INSRR: variants seen among roughly 807,000 people sequenced by gnomAD.
The protein encoded by INSRR is insulin receptor-related protein.
INSRR carries 114 observed loss-of-function variants against 130.0 expected under a neutral mutation model. The observed-to-expected ratio is 0.88, with a 90% CI of 0.75 to 1.02. The LOEUF (loss-of-function observed/expected upper bound fraction) is 1.02. Ranked by LOEUF, INSRR falls within the 50% of genes least tolerant of loss-of-function variation. The pLI is 0.00. For missense variants in INSRR, 1,657 were observed against 1,735.2 expected, an observed-to-expected ratio of 0.95 and a Z score of 0.80; for synonymous variants, 674 against 705.2, an observed-to-expected ratio of 0.96 and a Z score of 0.70.
intron 1 of INSRR, among the ~76,000 whole-genome samples, chr1:156,855,232 C>T (rs1175151281): frequency 2.6e-5 from 2 of 77,262 alleles, no homozygotes; most frequent in African/African-American, 4.5e-5. Context: ...GATATGGAGT[C>T]TCACTCTGTC....
chr1:156,843,214 C>T lies in INSRR; in HGVS notation c.2916G>A (p.Trp972Ter). 6.2e-7 allele frequency: 1 copy of T among 1,614,142 alleles called. No homozygotes were observed. The highest frequency in any genetic ancestry group is 2.2e-5 in the East Asian group (1 of 44,878). Residue 972 changes from tryptophan to a stop codon, truncating the protein, a stop_gained, in exon 17 of 22, where the codon TGG becomes TGA. Transcript: ENST00000368195. LOFTEE classifies it high-confidence loss of function. The stretch of plus-strand genomic sequence containing the variant: ...TCGAGATCTGCTCCCGAGGCACCTC[C>T]CATTCATCAGGGACATACACTGCAA... ...SASDMYVPDE[W>*]EVPREQISII...
intron 7 of INSRR, among the ~76,000 whole-genome samples, chr1:156,847,520 T>C (rs1313032822): frequency 1.3e-5 from 2 of 152,166 alleles, no homozygotes; most frequent in East Asian, 3.8e-4. Context: ...TTTGTTTCTT[T>C]GGACTGGGAA....
In INSRR at chr1:156,841,755, T is replaced by C; in HGVS notation, c.3437A>G (p.Tyr1146Cys). ...MTRDVYETDYYRKGGKGLLPV... is the reference protein window; with the variant it reads ...MTRDVYETDYCRKGGKGLLPV... ...CAGCAGCCCCTTCCCACCCTTGCGG[T>C]AATAGTCTGTCTCATACACGTCCCG... The change falls in exon 20 of 22, where the codon TAC (tyrosine) becomes TGC (cysteine). Residue 1146 changes from tyrosine (Y) to cysteine (C), a missense_variant. By Grantham distance (194) the Tyr-to-Cys change is radical. Coordinates refer to ENST00000368195, the MANE Select transcript of INSRR (RefSeq NM_014215.3). 1 of 1,613,984 alleles carries C rather than the reference T, an allele frequency of 6.2e-7. No homozygotes were observed. Among genetic ancestry groups the C allele is most frequent in the Non-Finnish European group, 8.5e-7 (1 of 1,179,964 alleles).
intron 2 of INSRR, among the ~76,000 whole-genome samples, chr1:156,853,485 T>C (rs1655299187): frequency 1.3e-5 from 2 of 152,206 alleles, no homozygotes; most frequent in Admixed American, 1.3e-4. Context: ...TCTCTGTTCA[T>C]GCCTATTCTT....
At chr1:156,855,691 G>C (rs1344415740) in intron 1 of INSRR, among the ~76,000 whole-genome samples, 1 of 152,046 alleles carries the variant, frequency 6.6e-6, no homozygotes, top group African/African-American at 2.4e-5. Flanking sequence ...CAGGCATGGT[G>C]GTGCACACCT....
chr1:156,856,111 A>G (rs1655398568), intron 1 of INSRR, among the ~76,000 whole-genome samples: 1 of 152,064 alleles, frequency 6.6e-6, no homozygotes, highest in South Asian at 2.1e-4. Context: ...GCGTGGCCAT[A>G]TATTTATTTT....
At position 156,853,777 on chromosome 1, in the gene INSRR, G is replaced by A. The variant is rs1655312644; in HGVS notation, c.612C>T (p.Cys204=). The A allele has an allele frequency of 1.2e-6, 2 of 1,605,632 alleles. No homozygotes were observed. The highest frequency in any genetic ancestry group is 1.7e-6 in the Non-Finnish European group (2 of 1,173,434). Residue 204 remains cysteine (C), a synonymous_variant, in exon 2 of 22, where the codon TGC becomes TGT. Transcript: ENST00000368195. ...TTFSGHTDYR[C]WTSSHCQRVC... is the part of the protein sequence containing the mutation. ...CTCTCTGGCAGTGGCTGGAGGTCCA[G>A]CATCTGTAGTCAGTGTGCCCGCTGA...
Position 156,841,674 on chromosome 1 carries a change from G to T in INSRR, c.3518C>A (p.Ser1173Ter). 1 of 1,614,008 alleles carries T rather than the reference G, an allele frequency of 6.2e-7. No homozygotes were observed. The highest frequency in any genetic ancestry group is 1.7e-5 in the Admixed American group (1 of 60,020). ...SLKDGIFTTH[S>*]DVWSFGVVLW... ...TCCAGCTCGGCCCCACCAGACATCC[G>T]AGTGGGTGGTGAAGATCCCATCTTT... is the stretch of plus-strand genomic sequence containing the variant. Residue 1173 changes from serine to a stop codon, truncating the protein, a stop_gained, in exon 20 of 22, where the codon TCG becomes TAG. Transcript: ENST00000368195. LOFTEE classifies it high-confidence loss of function.
At chr1:156,850,660 T>G (rs1406774231) in intron 5 of INSRR, among the ~76,000 whole-genome samples, 2 of 141,146 alleles carry the variant, frequency 1.4e-5, no homozygotes, top group Non-Finnish European at 3.0e-5. Context: ...GTTCAAACAA[T>G]TCTCCTGCCT....
In INSRR at chr1:156,843,237, C is replaced by A. The variant is rs1654865565; in HGVS notation, c.2897-4G>T. 1 of 1,613,522 alleles carries A rather than the reference C, an allele frequency of 6.2e-7. No individual in the cohort carries two copies. Among genetic ancestry groups the A allele is most frequent in the African/African-American group, 1.3e-5 (1 of 75,036 alleles). On this transcript the variant is annotated splice_region_variant and splice_polypyrimidine_tract_variant and intron_variant, in intron 16 of 21. Transcript: ENST00000368195. The stretch of plus-strand genomic sequence containing the variant: ...TCCCATTCATCAGGGACATACACTG[C>A]AAGGAGGTGGAGGGTCACAAAGCGA...
intron 4 of INSRR, 72 bp downstream of exon 4, chr1:156,851,574 C>A: frequency 1.2e-6 from 2 of 1,611,140 alleles, no homozygotes; most frequent in South Asian, 2.2e-5. Flanking sequence ...TGAGTTGGGT[C>A]ATTGTAAGGG....
At chr1:156,853,587 C>T (rs936767278) in intron 2 of INSRR, among the ~76,000 whole-genome samples, 165 bp downstream of exon 2, 4 of 152,182 alleles carry the variant, frequency 2.6e-5, no homozygotes, top group East Asian at 1.9e-4. Context: ...ACATTGGTTA[C>T]GTAACTTTTC....
intron 2 of INSRR, among the ~76,000 whole-genome samples, chr1:156,852,500 G>A (rs1006679749): frequency 1.3e-5 from 2 of 152,350 alleles, no homozygotes; most frequent in East Asian, 3.9e-4. Context: ...TCCTATCTAG[G>A]CCTGGTGCCC....
rs1654828225 is a variant in INSRR at position 156,842,289 on chromosome 1, G to A, written c.3238-18C>T. The A allele has an allele frequency of 4.3e-6, 7 of 1,613,822 alleles. No individual in the cohort carries two copies. The East Asian group carries it at 1.6e-4, about 36-fold the overall frequency. On this transcript the variant is annotated intron_variant, in intron 18 of 21. Coordinates refer to ENST00000368195, the MANE Select transcript of INSRR (RefSeq NM_014215.3). The stretch of plus-strand genomic sequence containing the variant: ...GGGTTGTTCTAGAGCCAAGATTGGG[G>A]GCTGGTGAGGAAGGAACCCAGAGGC...
chr1:156,851,623 G>A, intron 4 of INSRR, 23 bp downstream of exon 4: 1 of 1,614,118 alleles, frequency 6.2e-7, no homozygotes, highest in Non-Finnish European at 8.5e-7. Flanking sequence ...GAGGAGGGGT[G>A]TGGCCCCAAA....
rs754148353 is a variant in INSRR at position 156,844,841 on chromosome 1, C to G, written c.2440G>C (p.Glu814Gln). 6.2e-7 allele frequency: 1 copy of G among 1,614,026 alleles called. No homozygotes were observed. Among genetic ancestry groups the G allele is most frequent in the East Asian group, 2.2e-5 (1 of 44,856 alleles). The part of the protein sequence containing the change: ...FVFARTMPHR[E>Q]ADGIPGKVAW... ...ACCTTTCCTGGAATACCATCAGCCT[C>G]TCCTGCGGGAAGGGGCATCCAGCAG... Residue 814 changes from glutamate to glutamine, a missense_variant and splice_region_variant, in exon 13 of 22, where the codon GAG becomes CAG. Coordinates refer to ENST00000368195, the MANE Select transcript of INSRR (RefSeq NM_014215.3).
chr1:156,849,258 C>T lies in INSRR; in HGVS notation c.1432G>A (p.Asp478Asn), dbSNP rs754659851. Reference protein sequence around the residue: ...KAEINPRTNGDRAACQTRTLR... With the variant: ...KAEINPRTNGNRAACQTRTLR... ...GTTGGGGTCTCACAGGCGGCGCGGT[C>T]TCCGTTGGTGCGGGGGTTGATCTCA... The change falls in exon 6 of 22, where the codon GAC becomes AAC. Residue 478 changes from aspartate to asparagine, a missense_variant. By Grantham distance (23) the Asp-to-Asn change is conservative (BLOSUM62 1). Coordinates refer to ENST00000368195, the MANE Select transcript of INSRR (RefSeq NM_014215.3). The T allele has an allele frequency of 5.0e-6, 8 of 1,613,902 alleles. No homozygotes were observed. In the East Asian group the frequency reaches 1.8e-4, roughly 36 times the overall value.
In INSRR at chr1:156,841,029, T is replaced by C. The variant is rs764619417; in HGVS notation, c.3738A>G (p.Ile1246Met). ...RPSFTHILDS[I>M]QEELRPSFRL... is the part of the protein sequence containing the mutation. ...GGAAGGAGGGCCGCAGCTCCTCCTG[T>C]ATGCTGTCCAGAATGTGTGTGAAAG... Residue 1246 changes from isoleucine to methionine, a missense_variant, in exon 22 of 22, where the codon ATA (isoleucine) becomes ATG (methionine). Coordinates refer to ENST00000368195, the MANE Select transcript of INSRR (RefSeq NM_014215.3). The C allele has an allele frequency of 5.6e-6, 9 of 1,603,662 alleles. No homozygotes were observed. The South Asian group carries it at 1.0e-4, about 18-fold the overall frequency.
chr1:156,841,335 G>C, intron 21 of INSRR, 59 bp downstream of exon 21: 1 of 1,529,560 alleles, frequency 6.5e-7, no homozygotes, highest in Non-Finnish European at 9.1e-7. Context: ...TCATGGGGCC[G>C]GGTGGGGGAG....
Sources: gnomAD v4.1 joint callset for allele counts (sites outside exome capture counted in the v4.1 genomes callset) on GRCh38, gnomAD v4.1.1 for gene constraint, MANE v1.5 for transcripts, NCBI Gene and HGNC (gene_info 2026-07-23, HGNC 2026-07-21) for gene names.